Variants in IPO11 observed in about 807,000 individuals in gnomAD.
IPO11 encodes the protein importin-11.
A neutral mutation model predicts 143.2 loss-of-function variants in IPO11; 66 were observed. The observed-to-expected ratio is 0.46, with a 90% CI of 0.38 to 0.57. The LOEUF (loss-of-function observed/expected upper bound fraction) is 0.57, where lower values mean the gene tolerates loss of function less well. Among genes scored for constraint, IPO11 ranks in the 20% least tolerant of loss-of-function variants. The pLI is 0.00. For synonymous variants in IPO11, 385 were observed against 377.8 expected (o/e 1.02, Z -0.22); for missense variants, 1,026 against 1,141.0 (o/e 0.90, Z 1.45).
chr5:62,590,894 T>C (rs545957109), intron 27 of IPO11, among the ~76,000 whole-genome samples: 2 of 152,256 alleles, frequency 1.3e-5, no homozygotes, highest in African/African-American at 4.8e-5. Context: ...TGTCTGTTCA[T>C]GTTTTTGCCT....
intron 13 of IPO11, 68 bp from the exon 14 acceptor site, chr5:62,489,234 A>C (rs1438492601): frequency 2.3e-6 from 2 of 863,036 alleles, no homozygotes; most frequent in Non-Finnish European, 3.4e-6. Context: ...TTGTGTTTAA[A>C]TATAAATTTT....
chr5:62,415,250 G>A (rs542879688), intron 1 of IPO11, among the ~76,000 whole-genome samples: 6 of 151,872 alleles, frequency 4.0e-5, no homozygotes, highest in African/African-American at 7.3e-5. Flanking sequence ...TGCATCTTCC[G>A]CCTCCCGGGT....
chr5:62,588,156 A>G (rs1294452296), intron 27 of IPO11, among the ~76,000 whole-genome samples: 2 of 151,960 alleles, frequency 1.3e-5, no homozygotes, highest in African/African-American at 2.4e-5. Context: ...CCTTGTGATC[A>G]TGCTCAAAAC....
At chr5:62,612,513 C>T (rs542953034) in intron 29 of IPO11, among the ~76,000 whole-genome samples, 6 of 152,104 alleles carry the variant, frequency 3.9e-5, no homozygotes, top group Admixed American at 2.6e-4. Flanking sequence ...GAAATAGATA[C>T]GAGAATCCGG....
chr5:62,508,034 C>A (rs1339138503), intron 19 of IPO11, among the ~76,000 whole-genome samples: 1 of 152,120 alleles, frequency 6.6e-6, no homozygotes, highest in African/African-American at 2.4e-5. Context: ...TCAACCCTAT[C>A]ATTTTTATCA....
At chr5:62,594,600 C>G (rs763755992) in intron 28 of IPO11, among the ~76,000 whole-genome samples, 4 of 152,210 alleles carry the variant, frequency 2.6e-5, no homozygotes, top group Non-Finnish European at 5.9e-5. Flanking sequence ...AACAGGCTCG[C>G]TGATACACCC....
chr5:62,513,999 C>T (rs1182705631), intron 19 of IPO11, among the ~76,000 whole-genome samples: 4 of 151,074 alleles, frequency 2.6e-5, no homozygotes, highest in Admixed American at 1.3e-4. Context: ...CGATGGGCTG[C>T]CGGGCAGAGA....
chr5:62,468,310 G>T (rs541833480), intron 6 of IPO11, among the ~76,000 whole-genome samples: 1 of 152,048 alleles, frequency 6.6e-6, no homozygotes, highest in South Asian at 2.1e-4. Flanking sequence ...TTCTTTTATC[G>T]TACTCATTCT....
chr5:62,456,273 G>A (rs1745151135), intron 5 of IPO11, among the ~76,000 whole-genome samples: 1 of 152,098 alleles, frequency 6.6e-6, no homozygotes, highest in South Asian at 2.1e-4. Flanking sequence ...ATAATGCTGG[G>A]ATCACAGGCG....
Position 62,537,259 on chromosome 5 carries a change from T to G in IPO11, c.2220T>G (p.Ile740Met), listed in dbSNP as rs1219748829. 3.1e-6 allele frequency: 5 copies of G among 1,606,046 alleles called. No individual in the cohort carries two copies. The highest frequency in any genetic ancestry group is 4.3e-6 in the Non-Finnish European group (5 of 1,173,826). ...CCTTTTGTGAACTTTTAAAGGAAAT[T>G]ACTACAGAAGGTCAAGTTCAGGTGC... The part of the protein sequence containing the change: ...CQSFCELLKE[I>M]TTEGQVQVLK... Residue 740 changes from isoleucine to methionine, a missense_variant, in exon 24 of 30, where the codon ATT becomes ATG. Transcript: ENST00000325324.
At chr5:62,487,070 G>A (rs1746433275) in intron 12 of IPO11, among the ~76,000 whole-genome samples, 1 of 152,090 alleles carries the variant, frequency 6.6e-6, no homozygotes, top group African/African-American at 2.4e-5. Flanking sequence ...CATAGTAGGT[G>A]TACATATTTA....
intron 10 of IPO11, among the ~76,000 whole-genome samples, chr5:62,483,576 G>T (rs1035000558): frequency 2.6e-5 from 4 of 152,168 alleles, no homozygotes; most frequent in Non-Finnish European, 4.4e-5. Flanking sequence ...ATTGTAGGGT[G>T]TATTCATTTG....
chr5:62,591,407 T>G (rs918226574), intron 27 of IPO11, among the ~76,000 whole-genome samples, 170 bp from the exon 28 acceptor site: 6 of 152,182 alleles, frequency 3.9e-5, no homozygotes, highest in African/African-American at 1.4e-4. Flanking sequence ...AATTTTGTGA[T>G]GTTATAGGCA....
intron 16 of IPO11, among the ~76,000 whole-genome samples, chr5:62,500,227 A>C (rs964417179): frequency 1.3e-5 from 2 of 152,168 alleles, no homozygotes; most frequent in Non-Finnish European, 2.9e-5. Context: ...GGCTGCTGTG[A>C]GCCATGATCA....
intron 11 of IPO11, 94 bp downstream of exon 11, chr5:62,484,256 C>A: frequency 2.0e-6 from 2 of 987,730 alleles, no homozygotes; most frequent in Non-Finnish European, 1.4e-6. Context: ...TTTCATACAG[C>A]ACTTTTGATC....
intron 5 of IPO11, among the ~76,000 whole-genome samples, chr5:62,453,230 C>T (rs989579452): frequency 4.0e-5 from 6 of 150,942 alleles, no homozygotes; most frequent in African/African-American, 1.5e-4. Flanking sequence ...CGGGCTTTTC[C>T]TTGGGAGCTT....
chr5:62,558,272 C>T (rs1743644906), intron 26 of IPO11, among the ~76,000 whole-genome samples: 1 of 152,126 alleles, frequency 6.6e-6, no homozygotes, highest in South Asian at 2.1e-4. Flanking sequence ...TGCAGGAGTA[C>T]AGTGAAGAAA....
chr5:62,497,309 A>C (rs2112248283), intron 16 of IPO11, among the ~76,000 whole-genome samples: 1 of 152,252 alleles, frequency 6.6e-6, no homozygotes, highest in East Asian at 1.9e-4. Flanking sequence ...TGTGCTCATC[A>C]CTCAGTTACC....
chr5:62,495,847 C>T (rs1741123567), intron 16 of IPO11, among the ~76,000 whole-genome samples: 1 of 152,088 alleles, frequency 6.6e-6, no homozygotes, highest in Non-Finnish European at 1.5e-5. Flanking sequence ...ATTATTTCAG[C>T]CAGCACCTTA....
Sources: allele counts gnomAD v4.1 joint callset (sites outside exome capture counted in the v4.1 genomes callset), GRCh38; gene constraint gnomAD v4.1.1; transcripts MANE v1.5; gene names NCBI Gene and HGNC (gene_info 2026-07-23, HGNC 2026-07-21).